The following MTHFSD variants were observed in gnomAD, a reference collection of about 807,000 sequenced individuals.
MTHFSD encodes the protein methenyltetrahydrofolate synthase domain-containing protein.
A neutral mutation model predicts 31.1 loss-of-function variants in MTHFSD; 37 were observed. That is an observed-to-expected ratio of 1.19 (90% CI 0.91 to 1.56). The LOEUF (loss-of-function observed/expected upper bound fraction) is 1.56. Ranked by LOEUF, MTHFSD falls within the 40% of genes most tolerant of loss-of-function variation. The pLI is 0.00. For synonymous variants in MTHFSD, 221 were observed against 206.9 expected (o/e 1.07, Z -0.59); for missense variants, 664 against 510.1 (o/e 1.30, Z -2.91).
rs1370806042 is a variant in MTHFSD, at chr16:86,531,783, G to C, written c.*228C>G. 5.2e-6 allele frequency: 2 copies of C among 385,672 alleles called. No individual in the cohort carries two copies. The highest frequency in any genetic ancestry group is 3.8e-5 in the East Asian group (1 of 26,258). The allele number at this position is 385,672 out of a possible 1,614,324, so 23.9% of individuals were successfully genotyped here. On this transcript the variant is annotated 3_prime_UTR_variant, in exon 8 of 8. Coordinates refer to ENST00000360900, the MANE Select transcript of MTHFSD (RefSeq NM_001159377.2). This position sits in a 1 kb window ranked among gnomAD's most constrained non-coding sequence, Gnocchi z 5.5. Reference sequence around the variant, plus strand: ...AAGGCCCGAGCCTGCACGATTGGGAGGCTGCAGTCTCTGCGCGCTGTGAGA... The same window carrying C: ...AAGGCCCGAGCCTGCACGATTGGGACGCTGCAGTCTCTGCGCGCTGTGAGA...
chr16:86,548,536 C>T lies in MTHFSD; in HGVS notation c.279G>A (p.Thr93=), dbSNP rs537989979. The change falls in exon 4 of 8, where the codon ACG becomes ACA. Residue 93 remains threonine, a synonymous_variant. Transcript: ENST00000360900. ...TLLVPTPRLR[T]GLFNKITPPP... ...GTGGTGTGATCTTATTAAACAATCC[C>T]GTTCTCAGTCGTGGTGTTGGAACCA... The T allele has an allele frequency of 2.7e-5, 44 of 1,613,254 alleles. No individual in the cohort carries two copies. In the South Asian group the frequency reaches 4.1e-4, roughly 15 times the overall value.
intron 1 of MTHFSD, 110 bp from the exon 2 acceptor site, chr16:86,554,861 G>GA: frequency 9.1e-7 from 1 of 1,094,198 alleles, no homozygotes; most frequent in Non-Finnish European, 1.3e-6. Flanking sequence ...ACCGGCTTCC[G>GA]ATCCTGTTCC....
Position 86,531,853 on chromosome 16 carries a change from T to A in MTHFSD, c.*158A>T, listed in dbSNP as rs1970020428. On this transcript the variant is annotated 3_prime_UTR_variant, in exon 8 of 8. Coordinates refer to ENST00000360900, the MANE Select transcript of MTHFSD (RefSeq NM_001159377.2). This position sits in a 1 kb window ranked among gnomAD's most constrained non-coding sequence, Gnocchi z 5.5. ...CCCACTCACAGGAGGGCCTGGGCGT[T>A]CACTGAGCGGTGACTTCTGAGAAGA... 2.1e-6 allele frequency: 1 copy of A among 467,844 alleles called. No homozygotes were observed. The highest frequency in any genetic ancestry group is 2.0e-5 in the African/African-American group (1 of 49,390). 29.0% of individuals were successfully genotyped at this position (467,844 alleles called of 1,614,324 possible).
Position 86,546,078 on chromosome 16 carries a change from A to T in MTHFSD, c.442+481T>A, listed in dbSNP as rs556769986. ...GTGGCAAAGCACCAGGCCTGAGAAGAAGTCTCGGACACACCACGTTGTTCA... is the reference window on the plus strand; with the variant it reads ...GTGGCAAAGCACCAGGCCTGAGAAGTAGTCTCGGACACACCACGTTGTTCA... On this transcript the variant is annotated intron_variant, in intron 5 of 7. Transcript: ENST00000360900. 1.1e-4 allele frequency among the ~76,000 whole-genome samples: 17 copies of T among 152,092 alleles called. No individual in the cohort carries two copies. The South Asian group carries it at 2.9e-3, about 26-fold the overall frequency.
chr16:86,543,021 G>C (rs1183889543), intron 5 of MTHFSD, among the ~76,000 whole-genome samples: 1 of 152,206 alleles, frequency 6.6e-6, no homozygotes, highest in African/African-American at 2.4e-5. Context: ...ACTCACATCT[G>C]ATCAAGCTAC....
chr16:86,536,352 G>A (rs931794307), intron 7 of MTHFSD, among the ~76,000 whole-genome samples: 8 of 152,326 alleles, frequency 5.3e-5, no homozygotes, highest in South Asian at 2.1e-4. Context: ...GCTGCCTTCC[G>A]TAAACATAAA....
chr16:86,547,849 T>C (rs988356264), intron 4 of MTHFSD, among the ~76,000 whole-genome samples: 4 of 152,144 alleles, frequency 2.6e-5, no homozygotes, highest in Non-Finnish European at 5.9e-5. Context: ...TCTCAGTAGA[T>C]TAAAAATTAA....
intron 7 of MTHFSD, among the ~76,000 whole-genome samples, chr16:86,538,911 G>A (rs565101574): frequency 6.6e-6 from 1 of 152,306 alleles, no homozygotes; most frequent in East Asian, 1.9e-4. Context: ...TCACGGGTCT[G>A]TGGGTGAGGC....
chr16:86,542,069 G>T lies in MTHFSD; in HGVS notation c.555+32C>A. ...CCTGCTCCCTCAGAAGAGAATGGCA[G>T]TGGCTCTGCTCAGCCCATTCATAAG... On this transcript the variant is annotated intron_variant, in intron 6 of 7. Coordinates refer to ENST00000360900, the MANE Select transcript of MTHFSD (RefSeq NM_001159377.2). The surrounding 1 kb of genome is among the most constrained non-coding windows in gnomAD (Gnocchi z 4.6). 6.3e-7 allele frequency: 1 copy of T among 1,577,584 alleles called. No individual in the cohort carries two copies. The highest frequency in any genetic ancestry group is 8.7e-7 in the Non-Finnish European group (1 of 1,149,120).
In MTHFSD at chr16:86,532,346, G is replaced by C. The variant is rs1970086768; in HGVS notation, c.817C>G (p.Leu273Val). ...TCCGGGGGCCTCCTGCCAACACTCA[G>C]GGGCACTGTCTGCTGGCAGCCTGGT... is the stretch of plus-strand genomic sequence containing the variant. Reference protein sequence around the residue: ...PEPGCQQTVPLSVGRRPPDTP... With the variant: ...PEPGCQQTVPVSVGRRPPDTP... Residue 273 changes from leucine to valine, a missense_variant, in exon 8 of 8, where the codon CTG becomes GTG. Leu to Val is a conservative substitution (Grantham distance 32). Transcript: ENST00000360900. The C allele has an allele frequency of 6.3e-7, 1 of 1,592,828 alleles. No homozygotes were observed. Among genetic ancestry groups the C allele is most frequent in the African/African-American group, 1.3e-5 (1 of 74,318 alleles).
rs146999701 is a variant in MTHFSD, at chr16:86,531,902, G to A, written c.*109C>T. On this transcript the variant is annotated 3_prime_UTR_variant, in exon 8 of 8. Coordinates refer to ENST00000360900, the MANE Select transcript of MTHFSD (RefSeq NM_001159377.2). The surrounding 1 kb of genome is among the most constrained non-coding windows in gnomAD (Gnocchi z 5.5). Reference sequence around the variant, plus strand: ...GAATTGAGACCCGAGCAGCTCAGGCGGTGGCTCCGACACGTCTTGCCACGC... The same window carrying A: ...GAATTGAGACCCGAGCAGCTCAGGCAGTGGCTCCGACACGTCTTGCCACGC... 1.5e-4 allele frequency: 99 copies of A among 675,808 alleles called. No individual in the cohort carries two copies. In the African/African-American group the frequency reaches 1.8e-3, roughly 12 times the overall value. 41.9% of individuals were successfully genotyped at this position (675,808 alleles called of 1,614,324 possible).
intron 2 of MTHFSD, 54 bp from the exon 3 acceptor site, chr16:86,552,200 A>C (rs371761697): frequency 1.9e-6 from 3 of 1,613,806 alleles, no homozygotes; most frequent in African/African-American, 2.7e-5. Flanking sequence ...AGAAGCGAGC[A>C]CTTTTCTGGG....
Position 86,547,089 on chromosome 16 carries a change from G to C in MTHFSD, c.352-440C>G, listed in dbSNP as rs1033272326. 4 of 854,470 alleles carry C rather than the reference G, an allele frequency of 4.7e-6. No individual in the cohort carries two copies. In the African/African-American group the frequency reaches 5.5e-5, roughly 12 times the overall value. The allele number at this position is 854,470 out of a possible 1,614,324, so 52.9% of individuals were successfully genotyped here. On this transcript the variant is annotated intron_variant, in intron 4 of 7. Coordinates refer to ENST00000360900, the MANE Select transcript of MTHFSD (RefSeq NM_001159377.2). The stretch of plus-strand genomic sequence containing the variant: ...CACCACCCTCTGCCTCGTCGGACCA[G>C]TGTTGGAATTAAATAACAAAACGTA...
intron 4 of MTHFSD, chr16:86,547,525 G>A: frequency 4.1e-6 from 4 of 986,890 alleles, no homozygotes; most frequent in Non-Finnish European, 3.6e-6. Flanking sequence ...GAAACCCTGT[G>A]TTCTCATCAT....
intron 2 of MTHFSD, 106 bp downstream of exon 2, chr16:86,554,539 G>A (rs779487624): frequency 4.4e-6 from 4 of 909,278 alleles, no homozygotes; most frequent in Non-Finnish European, 7.0e-6. Context: ...CTCACTGCTC[G>A]CCACATTCTC....
At chr16:86,534,828 G>A (rs1352353458) in intron 7 of MTHFSD, among the ~76,000 whole-genome samples, 1 of 151,396 alleles carries the variant, frequency 6.6e-6, no homozygotes, top group Non-Finnish European at 1.5e-5. Context: ...AAGGGGTGCA[G>A]TAAGGGGTAG....
intron 7 of MTHFSD, chr16:86,535,435 G>A (rs1970557267): frequency 1.0e-6 from 1 of 985,352 alleles, no homozygotes; most frequent in Admixed American, 6.1e-5. Context: ...AGGGTGTCTG[G>A]ACGTCATGGT....
In MTHFSD at chr16:86,546,631, C is replaced by T; in HGVS notation, c.370G>A (p.Val124Ile). The T allele has an allele frequency of 1.2e-6, 2 of 1,613,866 alleles. No individual in the cohort carries two copies. The highest frequency in any genetic ancestry group is 1.3e-5 in the African/African-American group (1 of 75,052). The change falls in exon 5 of 8, where the codon GTC (valine) becomes ATC (isoleucine). Residue 124 changes from valine to isoleucine, a missense_variant. Physicochemically the swap from Val to Ile is conservative, Grantham distance 29. Coordinates refer to ENST00000360900, the MANE Select transcript of MTHFSD (RefSeq NM_001159377.2). Reference protein sequence around the residue: ...ATSQGVRNYSVPIGLDSRVLV... With the variant: ...ATSQGVRNYSIPIGLDSRVLV... ...ACTCTGGAGTCCAAGCCTATGGGGA[C>T]ACTGTAGTTCCTCACACCCTGCACA...
Position 86,542,260 on chromosome 16 carries a change from G to A in MTHFSD, c.443-47C>T, listed in dbSNP as rs540180596. The A allele has an allele frequency of 1.5e-4, 216 of 1,485,984 alleles. 1 individual carries two copies. In the South Asian group the frequency reaches 2.4e-3, roughly 16 times the overall value. 92.0% of individuals were successfully genotyped at this position (1,485,984 alleles called of 1,614,324 possible). A position where few individuals can be genotyped will look rare whatever the true frequency, so the allele number is the denominator to read the frequency against. ...GTATCGCTGTGCGGTCCGGGGCATC[G>A]CTGAGAAGTGGATTTTCCATCAGGT... On this transcript the variant is annotated intron_variant, in intron 5 of 7. Coordinates refer to ENST00000360900, the MANE Select transcript of MTHFSD (RefSeq NM_001159377.2). This position sits in a 1 kb window ranked among gnomAD's most constrained non-coding sequence, Gnocchi z 4.6.
Sources: allele counts gnomAD v4.1 joint callset (sites outside exome capture counted in the v4.1 genomes callset), GRCh38; gene constraint gnomAD v4.1.1; non-coding constraint Gnocchi (gnomAD v3.1); transcripts MANE v1.5; gene names NCBI Gene and HGNC (gene_info 2026-07-23, HGNC 2026-07-21).